The following SH2D4A variants were observed in gnomAD, a reference collection of about 807,000 sequenced individuals.
SH2D4A encodes the protein SH2 domain-containing protein 4A.
Under a neutral mutation model 64.7 loss-of-function variants are expected in SH2D4A, and 70 were observed. The ratio of observed to expected loss-of-function variants is 1.08; its 90% CI spans 0.89 to 1.32. The LOEUF is 1.32. SH2D4A is among the 40% of genes most tolerant of loss of function. The probability of loss-of-function intolerance (pLI) is 0.00; values close to 1 mark genes in which losing one functional copy is unlikely to be tolerated. For missense variants in SH2D4A, 706 were observed against 540.1 expected, an observed-to-expected ratio of 1.31 and a Z score of -3.04; for synonymous variants, 268 against 200.7, an observed-to-expected ratio of 1.34 and a Z score of -2.83.
intron 4 of SH2D4A, among the ~76,000 whole-genome samples, chr8:19,342,536 G>T (rs1420451314): frequency 6.6e-6 from 1 of 152,172 alleles, no homozygotes; most frequent in Non-Finnish European, 1.5e-5. Context: ...TACACATTTG[G>T]AAAGATGTAC....
At chr8:19,363,920 G>A in intron 6 of SH2D4A, 152 bp from the exon 7 acceptor site, 2 of 700,876 alleles carry the variant, frequency 2.9e-6, no homozygotes, top group Non-Finnish European at 4.7e-6. Context: ...TAATGGCCTG[G>A]ATCATAGGTG....
At chr8:19,325,719 T>G (rs1011997339) in intron 2 of SH2D4A, among the ~76,000 whole-genome samples, 1 of 152,228 alleles carries the variant, frequency 6.6e-6, no homozygotes, top group African/African-American at 2.4e-5. Context: ...GTTCCCCAAC[T>G]TTCTTTCTCT....
At chr8:19,360,972 A>G in intron 5 of SH2D4A, 1 of 316,706 alleles carries the variant, frequency 3.2e-6, no homozygotes, top group Non-Finnish European at 5.8e-6. Context: ...ACAGCCCAAG[A>G]GAGGTTCATT....
At chr8:19,367,554 C>T (rs936388145) in intron 7 of SH2D4A, among the ~76,000 whole-genome samples, 1 of 151,994 alleles carries the variant, frequency 6.6e-6, no homozygotes, top group Non-Finnish European at 1.5e-5. Flanking sequence ...TGAGAAATGC[C>T]TATTGAGGTT....
intron 2 of SH2D4A, among the ~76,000 whole-genome samples, chr8:19,327,830 C>T (rs950928614): frequency 2.0e-5 from 3 of 152,170 alleles, no homozygotes; most frequent in South Asian, 2.1e-4. Flanking sequence ...CGCTGACTGC[C>T]GACACCAGTT....
chr8:19,335,058 C>T (rs973389651), intron 4 of SH2D4A, among the ~76,000 whole-genome samples: 10 of 151,912 alleles, frequency 6.6e-5, no homozygotes, highest in Middle Eastern at 3.4e-3. Flanking sequence ...CCAAGGCGGG[C>T]GGATCACGAG....
chr8:19,314,044 GGTGTCC>G, intron 1 of SH2D4A: 1 of 1,218,740 alleles, frequency 8.2e-7, no homozygotes, highest in Non-Finnish European at 1.0e-6. Context: ...TCCGGTGTCC[GGTGTCC>G]GGTGTCCGGT....
chr8:19,384,332 G>A (rs1256564126), intron 8 of SH2D4A, among the ~76,000 whole-genome samples: 1 of 152,158 alleles, frequency 6.6e-6, no homozygotes, highest in Non-Finnish European at 1.5e-5. Flanking sequence ...AGAGACAGGG[G>A]TGAGTCTTAG....
At chr8:19,354,943 C>G (rs2052766198) in intron 4 of SH2D4A, among the ~76,000 whole-genome samples, 1 of 152,186 alleles carries the variant, frequency 6.6e-6, no homozygotes, top group African/African-American at 2.4e-5. Flanking sequence ...GTCCAGAACT[C>G]CAGTTTCATA....
intron 4 of SH2D4A, among the ~76,000 whole-genome samples, chr8:19,345,399 G>T (rs889935304): frequency 8.5e-5 from 13 of 152,212 alleles, no homozygotes; most frequent in Admixed American, 6.5e-4. Context: ...ATCACTACTA[G>T]CTGTCAAGAA....
At chr8:19,323,920 G>T (rs558409339) in intron 2 of SH2D4A, among the ~76,000 whole-genome samples, 9 of 152,236 alleles carry the variant, frequency 5.9e-5, no homozygotes, top group Admixed American at 3.9e-4. Flanking sequence ...TCATTAACTT[G>T]GCCAGGGCAA....
At chr8:19,378,191 T>C (rs1158352494) in intron 8 of SH2D4A, among the ~76,000 whole-genome samples, 1 of 152,228 alleles carries the variant, frequency 6.6e-6, no homozygotes, top group Non-Finnish European at 1.5e-5. Flanking sequence ...TTGTCAATTA[T>C]ATGGGTTACA....
At position 19,319,704 on chromosome 8, in the gene SH2D4A, C is replaced by T. The variant is rs1010978182; in HGVS notation, c.157C>T (p.Pro53Ser). Residue 53 changes from proline (P) to serine (S), a missense_variant, in exon 2 of 10, where the codon CCA (proline) becomes TCA (serine). Transcript: ENST00000265807. ...AGCTATGGAAAGAAAGGAGTCCCTG[C>T]CAGTGAAACCCAGACCAAAGAAAGG... is the stretch of plus-strand genomic sequence containing the variant. ...EAAMERKESL[P>S]VKPRPKKENG... 6.3e-7 allele frequency: 1 copy of T among 1,592,242 alleles called. No homozygotes were observed. The highest frequency in any genetic ancestry group is 8.5e-7 in the Non-Finnish European group (1 of 1,172,472).
In SH2D4A at chr8:19,316,255, A is replaced by G. The variant is rs114774498; in HGVS notation, c.-205+2432A>G. On this transcript the variant is annotated intron_variant, in intron 1 of 9. Coordinates refer to ENST00000265807, the MANE Select transcript of SH2D4A (RefSeq NM_022071.4). Reference sequence around the variant, plus strand: ...CAAGGAAGCCAGTGTCTTTCCTTCAAGATGAACTAGTTAATTTTAATGTTA... The same window carrying G: ...CAAGGAAGCCAGTGTCTTTCCTTCAGGATGAACTAGTTAATTTTAATGTTA... Among the ~76,000 whole-genome samples, 1,493 of 152,334 alleles carry G rather than the reference A, an allele frequency of 9.8e-3. 27 individuals are homozygous for G. Among genetic ancestry groups the G allele is most frequent in the African/African-American group, 0.034 (1,424 of 41,576 alleles).
chr8:19,364,625 G>A (rs982725573), intron 7 of SH2D4A, among the ~76,000 whole-genome samples: 1 of 151,660 alleles, frequency 6.6e-6, no homozygotes, highest in Non-Finnish European at 1.5e-5. Context: ...GCCAGTGAGG[G>A]GAGAAGAGGA....
intron 2 of SH2D4A, among the ~76,000 whole-genome samples, chr8:19,328,686 C>G (rs1336143569): frequency 6.6e-6 from 1 of 152,216 alleles, no homozygotes; most frequent in African/African-American, 2.4e-5. Flanking sequence ...CAATCACTTT[C>G]TGATCCAATC....
chr8:19,335,278 A>G (rs534909808), intron 4 of SH2D4A, among the ~76,000 whole-genome samples: 2 of 152,130 alleles, frequency 1.3e-5, no homozygotes, highest in Non-Finnish European at 2.9e-5. Flanking sequence ...CCTGGGCGAC[A>G]GAGCGAGACT....
At chr8:19,350,401 T>C (rs1421933503) in intron 4 of SH2D4A, among the ~76,000 whole-genome samples, 1 of 152,234 alleles carries the variant, frequency 6.6e-6, no homozygotes, top group Non-Finnish European at 1.5e-5. Context: ...GTTCATCGAA[T>C]ATGACTGACG....
chr8:19,314,508 C>G (rs1345404650), intron 1 of SH2D4A, among the ~76,000 whole-genome samples: 1 of 152,090 alleles, frequency 6.6e-6, no homozygotes. Flanking sequence ...AAGCGGCGCC[C>G]CTGCCCGCTC....
Sources: gnomAD v4.1 joint callset for allele counts (sites outside exome capture counted in the v4.1 genomes callset) on GRCh38, gnomAD v4.1.1 for gene constraint, MANE v1.5 for transcripts, NCBI Gene and HGNC (gene_info 2026-07-23, HGNC 2026-07-21) for gene names.